The following CYB5A variants were observed in gnomAD, a reference collection of about 807,000 sequenced individuals.
CYB5A encodes cytochrome b5.
In CYB5A, 10 loss-of-function variants were observed where a neutral mutation model predicts 16.2. The observed-to-expected ratio is 0.62, with a 90% CI of 0.38 to 1.04. CYB5A has a LOEUF of 1.04. Among genes scored for constraint, CYB5A ranks in the 50% least tolerant of loss-of-function variants. CYB5A has a pLI of 0.01. For synonymous variants in CYB5A, 62 were observed against 57.0 expected (o/e 1.09, Z -0.40); for missense variants, 161 against 165.9 (o/e 0.97, Z 0.16).
intron 1 of CYB5A, among the ~76,000 whole-genome samples, chr18:74,288,994 G>C (rs865900521): frequency 6.6e-6 from 1 of 152,160 alleles, no homozygotes; most frequent in Non-Finnish European, 1.5e-5. Flanking sequence ...AGGCAGAAAC[G>C]CATGCAGTTC....
At chr18:74,262,865 C>G (rs894955522) in intron 2 of CYB5A, among the ~76,000 whole-genome samples, 3 of 152,120 alleles carry the variant, frequency 2.0e-5, no homozygotes, top group Non-Finnish European at 4.4e-5. Flanking sequence ...AACAATGCAA[C>G]CAGGCCAGGT....
At chr18:74,289,702 G>C (rs1238642365) in intron 1 of CYB5A, among the ~76,000 whole-genome samples, 1 of 151,262 alleles carries the variant, frequency 6.6e-6, no homozygotes, top group African/African-American at 2.4e-5. Flanking sequence ...GTTGAACCCA[G>C]GAGGCAGAGG....
rs1283543517 is a variant in CYB5A, at chr18:74,252,289, G to A, written c.*1295C>T. The A allele has an allele frequency of 1.3e-5, 2 of 152,154 alleles. No homozygotes were observed. The highest frequency in any genetic ancestry group is 2.9e-5 in the Non-Finnish European group (2 of 68,038). The allele number at this position is 152,154 out of a possible 1,614,324, so 9.4% of individuals were successfully genotyped here. A position where few individuals can be genotyped will look rare whatever the true frequency, so the allele number is the denominator to read the frequency against. ...CATGTACTGGGTTCTAACAAATTCA[G>A]CTTTCAAGTTTCCACATTTAAAAGA... On this transcript the variant is annotated 3_prime_UTR_variant, in exon 5 of 5. Transcript: ENST00000340533.
At chr18:74,268,930 T>G (rs17089026) in intron 1 of CYB5A, among the ~76,000 whole-genome samples, 4,351 of 152,272 alleles carry the variant, frequency 0.029, 140 homozygotes, top group East Asian at 0.18. Context: ...CAAATATACC[T>G]TGTTCTCGAC....
At chr18:74,291,341 G>A (rs765894138) in intron 1 of CYB5A, among the ~76,000 whole-genome samples, 2 of 152,168 alleles carry the variant, frequency 1.3e-5, no homozygotes, top group Admixed American at 1.3e-4. Flanking sequence ...GCCGCGCAGG[G>A]CGCTCCCAGG....
chr18:74,280,847 C>T (rs1266011411), intron 1 of CYB5A, among the ~76,000 whole-genome samples: 1 of 152,162 alleles, frequency 6.6e-6, no homozygotes, highest in Non-Finnish European at 1.5e-5. Flanking sequence ...TCTGCCAGAA[C>T]TACACTTTCC....
chr18:74,291,547 G>A (rs1983541994), intron 1 of CYB5A, among the ~76,000 whole-genome samples, 200 bp downstream of exon 1: 1 of 147,170 alleles, frequency 6.8e-6, no homozygotes, highest in Non-Finnish European at 1.5e-5. Flanking sequence ...GACTTGGGGC[G>A]GTGGGGGGCG....
At chr18:74,265,059 T>C (rs565681750) in intron 1 of CYB5A, among the ~76,000 whole-genome samples, 1 of 152,358 alleles carries the variant, frequency 6.6e-6, no homozygotes, top group Admixed American at 6.5e-5. Flanking sequence ...CCGGTCTCCC[T>C]TGCAGAGTCG....
At chr18:74,279,393 G>GC (rs1983002759) in intron 1 of CYB5A, among the ~76,000 whole-genome samples, 1 of 152,226 alleles carries the variant, frequency 6.6e-6, no homozygotes, top group Non-Finnish European at 1.5e-5. Context: ...GCCAGGCATG[G>GC]TGTCAGCCAC....
chr18:74,277,623 G>A (rs1221495728), intron 1 of CYB5A, among the ~76,000 whole-genome samples: 1 of 152,232 alleles, frequency 6.6e-6, no homozygotes, highest in Non-Finnish European at 1.5e-5. Flanking sequence ...AGGTGCAGGA[G>A]TCATGGCACA....
intron 1 of CYB5A, among the ~76,000 whole-genome samples, chr18:74,265,375 C>G (rs1024646874): frequency 1.3e-5 from 2 of 152,138 alleles, no homozygotes. Flanking sequence ...TTATCCTATG[C>G]ATTGTTTTAG....
intron 1 of CYB5A, among the ~76,000 whole-genome samples, chr18:74,267,286 A>C (rs1350801851): frequency 6.6e-6 from 1 of 152,060 alleles, no homozygotes; most frequent in East Asian, 1.9e-4. Context: ...CCTCTGGAGT[A>C]GCTGGGACTA....
At chr18:74,288,502 G>C (rs1208618119) in intron 1 of CYB5A, among the ~76,000 whole-genome samples, 1 of 152,202 alleles carries the variant, frequency 6.6e-6, no homozygotes, top group African/African-American at 2.4e-5. Flanking sequence ...ACACACAAAG[G>C]CTTCATGAAA....
At chr18:74,276,538 ACAC>A (rs1982884158) in intron 1 of CYB5A, among the ~76,000 whole-genome samples, 1 of 151,114 alleles carries the variant, frequency 6.6e-6, no homozygotes, top group African/African-American at 2.4e-5. Context: ...GCACACACAC[ACAC>A]ACACACACAC....
chr18:74,291,883 C>A lies in CYB5A; in HGVS notation c.-8G>T, dbSNP rs372498253. ...GTCCGACTGCTCTGCCATCTCGGTTCGCCGCGAGCCAGGCCCAGCACACAC... is the reference window on the plus strand; with the variant it reads ...GTCCGACTGCTCTGCCATCTCGGTTAGCCGCGAGCCAGGCCCAGCACACAC... On this transcript the variant is annotated 5_prime_UTR_variant, in exon 1 of 5. The change creates a premature stop within an existing upstream ORF in the 5' untranslated region. Coordinates refer to ENST00000340533, the MANE Select transcript of CYB5A (RefSeq NM_148923.4). The A allele has an allele frequency of 3.1e-6, 5 of 1,609,728 alleles. No individual in the cohort carries two copies. The African/African-American group carries it at 4.0e-5, about 13-fold the overall frequency.
intron 4 of CYB5A, 63 bp downstream of exon 4, chr18:74,255,678 T>C: frequency 1.4e-6 from 2 of 1,413,716 alleles, no homozygotes; most frequent in African/African-American, 1.4e-5. Flanking sequence ...GGACGCACCT[T>C]GTCCAACCTG....
At chr18:74,287,298 AT>A (rs1983357650) in intron 1 of CYB5A, among the ~76,000 whole-genome samples, 1 of 152,362 alleles carries the variant, frequency 6.6e-6, no homozygotes, top group Admixed American at 6.5e-5. Context: ...AAGCAAAGGC[AT>A]TTAGTATTTT....
At chr18:74,274,043 A>G (rs938677197) in intron 1 of CYB5A, among the ~76,000 whole-genome samples, 2 of 152,236 alleles carry the variant, frequency 1.3e-5, no homozygotes, top group Non-Finnish European at 2.9e-5. Flanking sequence ...TTCAGTAATA[A>G]GTAACAGCGA....
chr18:74,258,865 T>G (rs1790813), intron 3 of CYB5A: 51,064 of 152,140 alleles, frequency 0.34, 9,040 homozygotes, highest in East Asian at 0.47. Context: ...TACTTTAGGC[T>G]GGGTGCCGTG....
Sources: gnomAD v4.1 joint callset for allele counts (sites outside exome capture counted in the v4.1 genomes callset) on GRCh38, gnomAD v4.1.1 for gene constraint, MANE v1.5 for transcripts, NCBI Gene and HGNC (gene_info 2026-07-23, HGNC 2026-07-21) for gene names.